CEP63: variants seen among roughly 807,000 people sequenced by gnomAD.
CEP63 encodes the protein centrosomal protein 63, also known as centrosomal protein of 63 kDa.
CEP63 carries 84 observed loss-of-function variants against 89.1 expected under a neutral mutation model. The observed-to-expected ratio is 0.94, with a 90% CI of 0.79 to 1.13. The LOEUF is 1.13. Among genes scored for constraint, CEP63 ranks in the 50% most tolerant of loss-of-function variants. CEP63 has a pLI of 0.00. For synonymous variants in CEP63, 267 were observed against 272.5 expected, an observed-to-expected ratio of 0.98 and a Z score of 0.20; for missense variants, 838 against 813.3, an observed-to-expected ratio of 1.03 and a Z score of -0.37.
the CEP63 span, among the ~76,000 whole-genome samples, chr3:134,728,511 A>G: frequency 6.6e-6 from 1 of 152,226 alleles, no homozygotes; most frequent in Non-Finnish European, 1.5e-5. Flanking sequence ...CAGATAATTA[A>G]TTTGTGCATT....
At chr3:134,733,068 C>A in the CEP63 span, among the ~76,000 whole-genome samples, 1 of 152,178 alleles carries the variant, frequency 6.6e-6, no homozygotes, top group Admixed American at 6.5e-5. Flanking sequence ...ACTTAGGGAA[C>A]CCAATCTTTT....
the CEP63 span, among the ~76,000 whole-genome samples, chr3:134,738,996 C>T: frequency 6.7e-6 from 1 of 150,266 alleles, no homozygotes; most frequent in East Asian, 1.9e-4. Flanking sequence ...ATAACAAGTG[C>T]CGATGAGGCC....
intron 11 of CEP63, 68 bp from the exon 12 acceptor site, chr3:134,551,858 G>A (rs1257291800): frequency 2.2e-6 from 2 of 920,876 alleles, no homozygotes; most frequent in African/African-American, 1.7e-5. Context: ...AATTCCATGT[G>A]GAAAAATTTT....
the CEP63 span, chr3:134,603,663 G>A: frequency 8.7e-6 from 14 of 1,613,644 alleles, no homozygotes; most frequent in Non-Finnish European, 1.2e-5. Flanking sequence ...AGACTTCCTG[G>A]CAGCCAGCTG....
downstream of CEP63, among the ~76,000 whole-genome samples, chr3:134,569,883 C>G (rs1957945675): frequency 2.6e-5 from 4 of 152,228 alleles, no homozygotes; most frequent in South Asian, 8.3e-4. Context: ...CCTCTGAAAT[C>G]TAGGTGGAGG....
intron 10 of CEP63, among the ~76,000 whole-genome samples, chr3:134,581,910 C>T (rs1272809274): frequency 4.0e-5 from 6 of 151,472 alleles, no homozygotes; most frequent in Non-Finnish European, 8.8e-5. Context: ...CTCCTGACCT[C>T]GTGATCCGCC....
the CEP63 span, among the ~76,000 whole-genome samples, chr3:134,719,681 C>T: frequency 6.6e-6 from 1 of 152,112 alleles, no homozygotes; most frequent in Non-Finnish European, 1.5e-5. Context: ...CCTTCTGTCT[C>T]TATGTATATA....
At chr3:134,733,769 C>T in the CEP63 span, among the ~76,000 whole-genome samples, 1 of 150,652 alleles carries the variant, frequency 6.6e-6, no homozygotes, top group East Asian at 1.9e-4. Context: ...GGATCCTGGC[C>T]TTGCCAAGAC....
At chr3:134,520,885 G>T (rs373523321) in intron 3 of CEP63, among the ~76,000 whole-genome samples, 1 of 152,042 alleles carries the variant, frequency 6.6e-6, no homozygotes, top group East Asian at 1.9e-4. Flanking sequence ...AATTCTAGAT[G>T]GATTACGAAT....
chr3:134,635,154 G>A, the CEP63 span, among the ~76,000 whole-genome samples: 12 of 152,130 alleles, frequency 7.9e-5, no homozygotes, highest in Admixed American at 5.9e-4. Flanking sequence ...CAACTTAAAC[G>A]TCCTTCAATG....
chr3:134,720,342 A>G, the CEP63 span, among the ~76,000 whole-genome samples: 1 of 152,252 alleles, frequency 6.6e-6, no homozygotes, highest in Non-Finnish European at 1.5e-5. Flanking sequence ...ATAAGAATGT[A>G]TTATTTATTG....
At chr3:134,513,850 C>T (rs1277026327) in intron 3 of CEP63, among the ~76,000 whole-genome samples, 2 of 152,070 alleles carry the variant, frequency 1.3e-5, no homozygotes, top group Non-Finnish European at 2.9e-5. Context: ...CTCCAAAGTG[C>T]TAGGGCTTCC....
downstream of CEP63, among the ~76,000 whole-genome samples, chr3:134,566,091 G>C (rs922341126): frequency 4.6e-5 from 7 of 151,544 alleles, no homozygotes; most frequent in African/African-American, 1.7e-4. Flanking sequence ...CTATTTCTCC[G>C]CAGTGCAATT....
At chr3:134,528,759 G>A (rs12636917) in intron 3 of CEP63, among the ~76,000 whole-genome samples, 6,948 of 152,200 alleles carry the variant, frequency 0.046, 264 homozygotes, top group South Asian at 0.18. Context: ...TTTGCTAAAA[G>A]CTATTGCTCA....
At chr3:134,707,741 T>TTTTC in the CEP63 span, among the ~76,000 whole-genome samples, 388 of 126,924 alleles carry the variant, frequency 3.1e-3, 9 homozygotes, top group Non-Finnish European at 3.8e-3. Context: ...ATTCTTTTCT[T>TTTTC]TTTTTTTTTT....
At chr3:134,504,912 G>A (rs1943072589) in intron 2 of CEP63, among the ~76,000 whole-genome samples, 1 of 151,986 alleles carries the variant, frequency 6.6e-6, no homozygotes, top group Non-Finnish European at 1.5e-5. Flanking sequence ...AAACTCAATT[G>A]CATTTTTAAA....
chr3:134,542,401 A>G (rs1043908340), intron 6 of CEP63, among the ~76,000 whole-genome samples: 1 of 152,220 alleles, frequency 6.6e-6, no homozygotes, highest in Non-Finnish European at 1.5e-5. Flanking sequence ...TAGCATAGAC[A>G]CAACAGTGAT....
chr3:134,758,766 T>C, the CEP63 span, among the ~76,000 whole-genome samples: 1 of 152,016 alleles, frequency 6.6e-6, no homozygotes, highest in Non-Finnish European at 1.5e-5. Flanking sequence ...GCAACTTGAG[T>C]TGAGATCTGT....
At chr3:134,625,432 G>A in the CEP63 span, among the ~76,000 whole-genome samples, 2 of 152,384 alleles carry the variant, frequency 1.3e-5, no homozygotes, top group East Asian at 3.9e-4. Context: ...AGTTAACCCA[G>A]TAGTTCCCAG....
Sources: gnomAD v4.1 joint callset for allele counts (sites outside exome capture counted in the v4.1 genomes callset) on GRCh38, gnomAD v4.1.1 for gene constraint, MANE v1.5 for transcripts, NCBI Gene and HGNC (gene_info 2026-07-23, HGNC 2026-07-21) for gene names.